Variants in PEPD observed in about 807,000 individuals in gnomAD.
PEPD encodes xaa-Pro dipeptidase.
A neutral mutation model predicts 60.7 loss-of-function variants in PEPD; 53 were observed. The ratio of observed to expected loss-of-function variants is 0.87; its 90% CI spans 0.70 to 1.10. PEPD has a LOEUF of 1.10. PEPD is among the 50% of genes least tolerant of loss of function. The pLI, the probability that PEPD is intolerant of heterozygous loss-of-function variation, is 0.00. For synonymous variants in PEPD, 267 were observed against 284.1 expected (o/e 0.94, Z 0.60); for missense variants, 711 against 711.9 (o/e 1.00, Z 0.01).
chr19:33,459,640 G>C (rs1401138853), intron 9 of PEPD, among the ~76,000 whole-genome samples: 1 of 151,580 alleles, frequency 6.6e-6, no homozygotes, highest in Non-Finnish European at 1.5e-5. Context: ...CCGCATGAGG[G>C]AGGAGTCTTC....
Position 33,446,036 on chromosome 19 carries a change from G to A in PEPD, c.671+16959C>T, listed in dbSNP as rs376988986. The stretch of plus-strand genomic sequence containing the variant: ...ACCACCTGGACCCCGCAGCCTGTTC[G>A]GGATTCATTTCTTTCCTCTTCAAAG... On this transcript the variant is annotated intron_variant, in intron 9 of 14. Coordinates refer to ENST00000244137, the MANE Select transcript of PEPD (RefSeq NM_000285.4). Among the ~76,000 whole-genome samples the A allele has an allele frequency of 2.8e-4, 42 of 152,162 alleles. 1 individual carries two copies. The highest frequency in any genetic ancestry group is 2.1e-3 in the Admixed American group (32 of 15,282).
intron 4 of PEPD, 67 bp from the exon 5 acceptor site, chr19:33,493,404 C>A: frequency 9.4e-7 from 1 of 1,060,216 alleles, no homozygotes. Flanking sequence ...GACATGCCAC[C>A]ATTCCTTCAT....
At chr19:33,429,690 A>C (rs1452331612) in intron 9 of PEPD, among the ~76,000 whole-genome samples, 2 of 152,248 alleles carry the variant, frequency 1.3e-5, no homozygotes, top group Non-Finnish European at 2.9e-5. Flanking sequence ...GAAAGGACCA[A>C]CATGACAACT....
intron 7 of PEPD, among the ~76,000 whole-genome samples, chr19:33,471,817 G>A (rs574830769): frequency 4.6e-5 from 7 of 151,996 alleles, no homozygotes; most frequent in Admixed American, 2.0e-4. Context: ...ACAGGAATTC[G>A]AGGCCAGCCT....
At chr19:33,485,491 T>TAAAAAAAAAA (rs908651690) in intron 6 of PEPD, among the ~76,000 whole-genome samples, 84 of 110,852 alleles carry the variant, frequency 7.6e-4, no homozygotes, top group Non-Finnish European at 9.9e-4. Context: ...AGACTCTGTC[T>TAAAAAAAAAA]AAAAAAAAAA....
At chr19:33,474,860 G>C (rs1369766669) in intron 7 of PEPD, among the ~76,000 whole-genome samples, 1 of 151,728 alleles carries the variant, frequency 6.6e-6, no homozygotes, top group Non-Finnish European at 1.5e-5. Flanking sequence ...TGTACCTGGA[G>C]TCACAGCTAC....
intron 13 of PEPD, among the ~76,000 whole-genome samples, chr19:33,390,064 T>C (rs992622406): frequency 2.0e-5 from 3 of 152,254 alleles, no homozygotes; most frequent in Admixed American, 1.3e-4. Context: ...TCAACTTTTA[T>C]TGGGCTCCAA....
At chr19:33,428,882 A>G (rs1342968046) in intron 9 of PEPD, among the ~76,000 whole-genome samples, 2 of 152,196 alleles carry the variant, frequency 1.3e-5, no homozygotes, top group Admixed American at 6.5e-5. Context: ...AATCCAAAGA[A>G]CATTCACACA....
At chr19:33,397,766 G>A (rs1313665027) in intron 12 of PEPD, among the ~76,000 whole-genome samples, 2 of 152,180 alleles carry the variant, frequency 1.3e-5, no homozygotes, top group Admixed American at 6.5e-5. Flanking sequence ...TTGGCCTTGT[G>A]GCCCCAGACA....
At chr19:33,403,740 C>T (rs1968554390) in intron 11 of PEPD, among the ~76,000 whole-genome samples, 1 of 152,202 alleles carries the variant, frequency 6.6e-6, no homozygotes, top group African/African-American at 2.4e-5. Context: ...CCCAGCCGGG[C>T]ACTTTTTAAT....
chr19:33,427,849 T>C (rs758281024), intron 9 of PEPD, among the ~76,000 whole-genome samples: 4 of 152,226 alleles, frequency 2.6e-5, no homozygotes, highest in Non-Finnish European at 5.9e-5. Context: ...CCTTTCTTTA[T>C]GACACCAACA....
At chr19:33,464,957 G>A (rs1289942723) in intron 7 of PEPD, among the ~76,000 whole-genome samples, 3 of 152,158 alleles carry the variant, frequency 2.0e-5, no homozygotes, top group Non-Finnish European at 4.4e-5. Context: ...CAGAGCACCG[G>A]CCTGGGAGAA....
intron 3 of PEPD, among the ~76,000 whole-genome samples, chr19:33,502,005 C>T (rs986600024): frequency 7.9e-5 from 12 of 152,198 alleles, no homozygotes; most frequent in African/African-American, 2.9e-4. Flanking sequence ...TCGTCCACCT[C>T]CTGATGGGCC....
chr19:33,414,492 T>A (rs1044316305), intron 9 of PEPD, among the ~76,000 whole-genome samples: 1 of 152,164 alleles, frequency 6.6e-6, no homozygotes, highest in Admixed American at 6.5e-5. Context: ...CGTGGGGAGC[T>A]GCCCTCACCC....
intron 9 of PEPD, among the ~76,000 whole-genome samples, chr19:33,449,586 C>T (rs902953839): frequency 2.6e-5 from 4 of 152,208 alleles, no homozygotes; most frequent in South Asian, 2.1e-4. Flanking sequence ...CTCACTGGTG[C>T]GCAAGTGGAC....
chr19:33,520,999 C>A (rs1355879768), intron 1 of PEPD, among the ~76,000 whole-genome samples: 2 of 152,228 alleles, frequency 1.3e-5, no homozygotes, highest in Admixed American at 6.5e-5. Flanking sequence ...GAACTCTCAA[C>A]CTTTGTCCCT....
intron 7 of PEPD, chr19:33,477,122 C>T (rs1022943240): frequency 3.3e-5 from 5 of 152,322 alleles, no homozygotes; most frequent in African/African-American, 1.2e-4. Flanking sequence ...GGCTCTGCTC[C>T]CTGGCTCCGC....
chr19:33,404,704 T>G (rs1283397377), intron 11 of PEPD, among the ~76,000 whole-genome samples: 1 of 152,162 alleles, frequency 6.6e-6, no homozygotes, highest in African/African-American at 2.4e-5. Context: ...TGATCTGCTT[T>G]CTGGAGGGGG....
intron 9 of PEPD, among the ~76,000 whole-genome samples, chr19:33,438,095 C>T (rs576446223): frequency 6.6e-6 from 1 of 152,358 alleles, no homozygotes; most frequent in South Asian, 2.1e-4. Context: ...CCAATCACAC[C>T]AGCTGGCTCC....
Sources: allele counts gnomAD v4.1 joint callset (sites outside exome capture counted in the v4.1 genomes callset), GRCh38; gene constraint gnomAD v4.1.1; transcripts MANE v1.5; gene names NCBI Gene and HGNC (gene_info 2026-07-23, HGNC 2026-07-21).